DEPDC5: variants seen among roughly 807,000 people sequenced by gnomAD.
DEPDC5 encodes the protein GATOR1 complex protein DEPDC5.
A neutral mutation model predicts 217.3 loss-of-function variants in DEPDC5; 73 were observed. The observed-to-expected ratio is 0.34, with a 90% CI of 0.28 to 0.41. DEPDC5 has a LOEUF of 0.41. DEPDC5 is among the 10% of genes least tolerant of loss of function. The pLI, the probability that DEPDC5 is intolerant of heterozygous loss-of-function variation, is 1.00. For synonymous variants in DEPDC5, 733 were observed against 756.7 expected, an observed-to-expected ratio of 0.97 and a Z score of 0.51; for missense variants, 1,675 against 2,070.1, an observed-to-expected ratio of 0.81 and a Z score of 3.70.
chr22:31,879,983 C>A, intron 38 of DEPDC5: 2 of 541,188 alleles, frequency 3.7e-6, no homozygotes, highest in Non-Finnish European at 6.7e-6. Context: ...CAAATCAGAA[C>A]ATAGTGCCAG....
At chr22:31,759,593 C>T (rs556838024) in intron 3 of DEPDC5, among the ~76,000 whole-genome samples, 7 of 150,538 alleles carry the variant, frequency 4.6e-5, no homozygotes, top group African/African-American at 1.7e-4. Context: ...AGGCTGGTTT[C>T]GAACTCCTGA....
chr22:31,802,504 G>A lies in DEPDC5; in HGVS notation c.947-200G>A, dbSNP rs186864338. On this transcript the variant is annotated intron_variant, in intron 14 of 42. Transcript: ENST00000651528. ...GTGTCAATGAGGGGTATTAACAAAGGTGACAGCGACTTATTCCTGTGGTCA... is the reference window on the plus strand; with the variant it reads ...GTGTCAATGAGGGGTATTAACAAAGATGACAGCGACTTATTCCTGTGGTCA... Among the ~76,000 whole-genome samples the A allele has an allele frequency of 2.6e-5, 4 of 152,222 alleles. No homozygotes were observed. In the East Asian group the frequency reaches 7.7e-4, roughly 29 times the overall value.
intron 15 of DEPDC5, among the ~76,000 whole-genome samples, chr22:31,803,373 G>C (rs983172907): frequency 3.3e-5 from 5 of 152,050 alleles, no homozygotes; most frequent in African/African-American, 1.2e-4. Context: ...ACCATGCCCG[G>C]CTAATTTTTT....
intron 38 of DEPDC5, among the ~76,000 whole-genome samples, chr22:31,881,925 G>A (rs886196285): frequency 1.3e-5 from 2 of 148,690 alleles, no homozygotes; most frequent in Non-Finnish European, 3.0e-5. Flanking sequence ...CAGCCTGGGC[G>A]ACTCCATCTC....
intron 37 of DEPDC5, among the ~76,000 whole-genome samples, chr22:31,877,749 C>CAAAAAAA: frequency 3.2e-5 from 2 of 62,846 alleles, no homozygotes; most frequent in Non-Finnish European, 5.7e-5. Flanking sequence ...GACTCCATCT[C>CAAAAAAA]AAAAAAAAAA....
chr22:31,904,899 A>G (rs2093729389), intron 41 of DEPDC5, among the ~76,000 whole-genome samples: 1 of 152,332 alleles, frequency 6.6e-6, no homozygotes, highest in South Asian at 2.1e-4. Flanking sequence ...TGTAGAGGAT[A>G]CAACACAGCA....
intron 19 of DEPDC5, 90 bp from the exon 20 acceptor site, chr22:31,810,431 G>C: frequency 6.3e-7 from 1 of 1,577,240 alleles, no homozygotes; most frequent in Non-Finnish European, 8.6e-7. Flanking sequence ...AATGTATTTG[G>C]ATGACAATTT....
intron 7 of DEPDC5, among the ~76,000 whole-genome samples, chr22:31,773,553 A>T (rs971617977): frequency 6.6e-6 from 1 of 152,156 alleles, no homozygotes; most frequent in African/African-American, 2.4e-5. Flanking sequence ...GGCTTGGTTA[A>T]ATGTAAACTA....
At chr22:31,790,747 C>CTTTTT (rs558878199) in intron 10 of DEPDC5, among the ~76,000 whole-genome samples, 2 of 128,214 alleles carry the variant, frequency 1.6e-5, no homozygotes, top group Non-Finnish European at 1.6e-5. Context: ...TTTTTTTTTT[C>CTTTTT]TTTTTTTTTT....
chr22:31,906,896 C>A lies in DEPDC5; in HGVS notation c.*399C>A. On this transcript the variant is annotated 3_prime_UTR_variant, in exon 43 of 43. Coordinates refer to ENST00000651528, the MANE Select transcript of DEPDC5 (RefSeq NM_001242896.3). This position sits in a 1 kb window ranked among gnomAD's most constrained non-coding sequence, Gnocchi z 5.1. ...GGGATATTAGGGGCAGAATCTGCCACTTCTTGCCCAGGAGTGTGCACAGAT... is the reference window on the plus strand; with the variant it reads ...GGGATATTAGGGGCAGAATCTGCCAATTCTTGCCCAGGAGTGTGCACAGAT... 1 of 316,582 alleles carries A rather than the reference C, an allele frequency of 3.2e-6. No individual in the cohort carries two copies. 19.6% of individuals were successfully genotyped at this position (316,582 alleles called of 1,614,324 possible). A position where few individuals can be genotyped will look rare whatever the true frequency, so the allele number is the denominator to read the frequency against.
rs1410872442 is a variant in DEPDC5, at chr22:31,754,081, G to T, written c.-144G>T. 6.5e-6 allele frequency: 1 copy of T among 153,764 alleles called. No homozygotes were observed. Among genetic ancestry groups the T allele is most frequent in the Non-Finnish European group, 1.4e-5 (1 of 69,308 alleles). The allele number at this position is 153,764 out of a possible 1,614,324, so 9.5% of individuals were successfully genotyped here. On this transcript the variant is annotated 5_prime_UTR_variant, in exon 1 of 43. Coordinates refer to ENST00000651528, the MANE Select transcript of DEPDC5 (RefSeq NM_001242896.3). ...CGCGGGCCGCGCGGGCGTAGGCGGG[G>T]TATCTGGAGGAGGCGCAGGGAACCT... is the stretch of plus-strand genomic sequence containing the variant.
chr22:31,840,775 C>T (rs770197370), intron 27 of DEPDC5, among the ~76,000 whole-genome samples: 9 of 152,192 alleles, frequency 5.9e-5, no homozygotes, highest in Non-Finnish European at 1.3e-4. Context: ...ACAACCAGGC[C>T]TGTGCTGCTT....
At chr22:31,814,929 T>C in intron 20 of DEPDC5, 63 bp from the exon 21 acceptor site, 2 of 1,591,564 alleles carry the variant, frequency 1.3e-6, no homozygotes, top group Non-Finnish European at 1.7e-6. Context: ...TGGGTTTTAG[T>C]TTTAACTCAA....
At chr22:31,874,566 G>A (rs1683925720) in intron 36 of DEPDC5, among the ~76,000 whole-genome samples, 161 bp downstream of exon 36, 1 of 152,174 alleles carries the variant, frequency 6.6e-6, no homozygotes, top group African/African-American at 2.4e-5. Context: ...GAAAGAACAA[G>A]TCTTGCTTTG....
chr22:31,824,702 T>C (rs2089995410), intron 24 of DEPDC5, among the ~76,000 whole-genome samples: 1 of 151,942 alleles, frequency 6.6e-6, no homozygotes, highest in Non-Finnish European at 1.5e-5. Context: ...GCACTGTGGC[T>C]CACACCTGTA....
At chr22:31,834,033 T>G in intron 25 of DEPDC5, 53 bp downstream of exon 25, 2 of 1,571,370 alleles carry the variant, frequency 1.3e-6, no homozygotes, top group Non-Finnish European at 1.8e-6. Flanking sequence ...TGTGGGGTGG[T>G]CAGAGCATGA....
intron 7 of DEPDC5, among the ~76,000 whole-genome samples, chr22:31,775,070 G>T (rs62238898): frequency 6.6e-6 from 1 of 152,166 alleles, no homozygotes; most frequent in East Asian, 1.9e-4. Flanking sequence ...CTTCATTTTG[G>T]CATGGGGTAG....
rs567537078 is a variant in DEPDC5 at position 31,774,451 on chromosome 22, G to A, written c.414-3648G>A. Among the ~76,000 whole-genome samples, 16 of 151,898 alleles carry A rather than the reference G, an allele frequency of 1.1e-4. 1 individual carries two copies. The South Asian group carries it at 2.3e-3, about 22-fold the overall frequency. The stretch of plus-strand genomic sequence containing the variant: ...CGACCTCAGGTAATCTGCCTGCCTC[G>A]GCCTCCCAAAGTGATGGGATTACAG... On this transcript the variant is annotated intron_variant, in intron 7 of 42. Transcript: ENST00000651528.
At chr22:31,897,971 G>A (rs1027424059) in intron 40 of DEPDC5, among the ~76,000 whole-genome samples, 5 of 152,130 alleles carry the variant, frequency 3.3e-5, no homozygotes, top group Admixed American at 2.6e-4. Context: ...GTTCTCCCAC[G>A]CTCTCCTTTC....
Sources: gnomAD v4.1 joint callset for allele counts (sites outside exome capture counted in the v4.1 genomes callset) on GRCh38, gnomAD v4.1.1 for gene constraint, Gnocchi (gnomAD v3.1) non-coding constraint, MANE v1.5 for transcripts, NCBI Gene and HGNC (gene_info 2026-07-23, HGNC 2026-07-21) for gene names.